The following TEX36 variants were observed in gnomAD, a reference collection of about 807,000 sequenced individuals.
The protein encoded by TEX36 is testis expressed 36.
In TEX36, 12 loss-of-function variants were observed where a neutral mutation model predicts 13.6. The observed-to-expected ratio is 0.88, with a 90% CI of 0.56 to 1.43. TEX36 has a LOEUF of 1.43. Ranked by LOEUF, TEX36 falls within the 40% of genes most tolerant of loss-of-function variation. The pLI is 0.00. For missense variants in TEX36, 224 were observed against 228.3 expected (o/e 0.98, Z 0.12); for synonymous variants, 93 against 83.0 (o/e 1.12, Z -0.65).
At chr10:125,618,195 T>C (rs1200351847), downstream of TEX36, among the ~76,000 whole-genome samples, 3 of 152,172 alleles carry the variant, frequency 2.0e-5, no homozygotes, top group Non-Finnish European at 2.9e-5. Context: ...CTTCTAAATT[T>C]TTTTCAAAGT....
chr10:125,607,101 G>C (rs1228545894), intron 3 of TEX36, among the ~76,000 whole-genome samples: 1 of 152,226 alleles, frequency 6.6e-6, no homozygotes, highest in African/African-American at 2.4e-5. Context: ...GATCACTTGG[G>C]TGCTGCAGTC....
At chr10:125,679,242 G>A (rs1232678270) in intron 1 of TEX36, among the ~76,000 whole-genome samples, 1 of 150,644 alleles carries the variant, frequency 6.6e-6, no homozygotes, top group Non-Finnish European at 1.5e-5. Flanking sequence ...ACCAGCAGCT[G>A]CAGCTGCAGC....
chr10:125,636,041 T>G (rs1846619798), intron 3 of TEX36, among the ~76,000 whole-genome samples: 1 of 151,740 alleles, frequency 6.6e-6, no homozygotes, highest in South Asian at 2.1e-4. Flanking sequence ...ACCTGGCTAA[T>G]TTTTAAAATG....
At chr10:125,614,757 C>T (rs1369369226) in intron 3 of TEX36, among the ~76,000 whole-genome samples, 2 of 152,262 alleles carry the variant, frequency 1.3e-5, no homozygotes, top group African/African-American at 2.4e-5. Context: ...ATTGACTTGG[C>T]GATGCAGGCT....
chr10:125,654,616 C>T (rs11814225), downstream of TEX36, among the ~76,000 whole-genome samples: 20,932 of 151,998 alleles, frequency 0.14, 2,851 homozygotes, highest in African/African-American at 0.35. Flanking sequence ...AAAATGGTGG[C>T]ATGGAATGAT....
At chr10:125,618,754 T>C (rs1247739922), downstream of TEX36, among the ~76,000 whole-genome samples, 1 of 151,882 alleles carries the variant, frequency 6.6e-6, no homozygotes, top group Admixed American at 6.6e-5. Flanking sequence ...TCAGAATAGA[T>C]GCAAGCCAAG....
chr10:125,644,334 T>G (rs1010978641), intron 3 of TEX36, among the ~76,000 whole-genome samples: 1 of 152,090 alleles, frequency 6.6e-6, no homozygotes, highest in Non-Finnish European at 1.5e-5. Flanking sequence ...GGTATTTAAG[T>G]AGCCATCTAA....
At chr10:125,669,840 C>T (rs1249077826) in intron 1 of TEX36, among the ~76,000 whole-genome samples, 6 of 152,158 alleles carry the variant, frequency 3.9e-5, no homozygotes, top group South Asian at 4.1e-4. Flanking sequence ...TAAGTGAGAA[C>T]GTGATAGTGT....
At chr10:125,598,519 C>T (rs1234677929) in intron 3 of TEX36, among the ~76,000 whole-genome samples, 1 of 152,158 alleles carries the variant, frequency 6.6e-6, no homozygotes, top group Non-Finnish European at 1.5e-5. Flanking sequence ...ACAAGGCCAC[C>T]TCTCCCCAAA....
intron 3 of TEX36, among the ~76,000 whole-genome samples, chr10:125,588,994 G>A (rs1194316755): frequency 2.0e-5 from 3 of 152,164 alleles, no homozygotes; most frequent in African/African-American, 4.8e-5. Flanking sequence ...TGAGGGGTCC[G>A]CCCCGTGATT....
intron 3 of TEX36, among the ~76,000 whole-genome samples, chr10:125,611,357 C>T (rs1846287441): frequency 2.0e-5 from 3 of 152,208 alleles, no homozygotes; most frequent in African/African-American, 4.8e-5. Flanking sequence ...CCACTTTCCT[C>T]AACATTTTAA....
In TEX36 at chr10:125,608,314, C is replaced by A. The variant is rs187112831; in HGVS notation, c.265-31440G>T. 2.4e-3 allele frequency among the ~76,000 whole-genome samples: 360 copies of A among 152,022 alleles called. 1 individual carries two copies. Among genetic ancestry groups the A allele is most frequent in the South Asian group, 1.0e-2 (48 of 4,818 alleles). On this transcript the variant is annotated intron_variant, in intron 3 of 3. Transcript: ENST00000532135. The stretch of plus-strand genomic sequence containing the variant: ...GATGGTTTCATGACTATACATTTGT[C>A]GGGAAAACTCATTGAACTACTGAAA...
chr10:125,651,182 G>C (rs548492270), downstream of TEX36, among the ~76,000 whole-genome samples: 40 of 152,280 alleles, frequency 2.6e-4, no homozygotes, highest in African/African-American at 9.4e-4. Context: ...AAGCCAGGCA[G>C]AGACACAACA....
chr10:125,640,954 C>G (rs538450011), intron 3 of TEX36, among the ~76,000 whole-genome samples: 1 of 151,350 alleles, frequency 6.6e-6, no homozygotes, highest in Admixed American at 6.6e-5. Flanking sequence ...ACCCTTCCTC[C>G]CCCACACCCA....
rs146332902 is a variant in TEX36 at position 125,630,215 on chromosome 10, G to T, written c.265-8570C>A. Among the ~76,000 whole-genome samples, 16 of 152,282 alleles carry T rather than the reference G, an allele frequency of 1.1e-4. No individual in the cohort carries two copies. The East Asian group carries it at 2.9e-3, about 28-fold the overall frequency. On this transcript the variant is annotated intron_variant, in intron 3 of 3. Coordinates refer to the TEX36 transcript ENST00000526819. ...ATTTATTTTGTTTCAGCTACTAGGG[G>T]TGCATAACAAGTTACCCCAGAACTT... is the stretch of plus-strand genomic sequence containing the variant.
intron 1 of TEX36, chr10:125,667,723 G>A (rs1289484834): frequency 5.2e-6 from 4 of 763,676 alleles, no homozygotes; most frequent in Admixed American, 2.0e-5. Flanking sequence ...AGAGGATGAC[G>A]TCCCCGATGC....
At chr10:125,617,254 T>A, downstream of TEX36, among the ~76,000 whole-genome samples, 1 of 152,028 alleles carries the variant, frequency 6.6e-6, no homozygotes, top group Admixed American at 6.6e-5. Context: ...TGCCAGTCTG[T>A]GTCTTTTAAT....
intron 3 of TEX36, among the ~76,000 whole-genome samples, chr10:125,584,158 G>C (rs1368790300): frequency 6.6e-6 from 1 of 152,202 alleles, no homozygotes; most frequent in Admixed American, 6.5e-5. Flanking sequence ...AGTCTATCTT[G>C]GACCCAACAG....
At chr10:125,678,748 T>G (rs554021555) in intron 1 of TEX36, among the ~76,000 whole-genome samples, 4 of 152,226 alleles carry the variant, frequency 2.6e-5, no homozygotes, top group Admixed American at 2.6e-4. Context: ...GCCAGGAGTT[T>G]AGGCCCAATC....
Sources: allele counts gnomAD v4.1 joint callset (sites outside exome capture counted in the v4.1 genomes callset), GRCh38; gene constraint gnomAD v4.1.1; transcripts MANE v1.5; gene names NCBI Gene and HGNC (gene_info 2026-07-23, HGNC 2026-07-21).